HPGD: variants seen among roughly 807,000 people sequenced by gnomAD.
HPGD encodes the protein 15-hydroxyprostaglandin dehydrogenase.
In HPGD, 29 loss-of-function variants were observed where a neutral mutation model predicts 30.0. The observed-to-expected ratio is 0.97, with a 90% CI of 0.72 to 1.32. The LOEUF is 1.32. Among genes scored for constraint, HPGD ranks in the 40% most tolerant of loss-of-function variants. The pLI is 0.00. For synonymous variants in HPGD, 99 were observed against 112.4 expected (o/e 0.88, Z 0.75); for missense variants, 340 against 322.1 (o/e 1.06, Z -0.43).
intron 3 of HPGD, among the ~76,000 whole-genome samples, chr4:174,509,998 C>T (rs1189303340): frequency 1.3e-5 from 2 of 151,574 alleles, no homozygotes; most frequent in Admixed American, 6.6e-5. Context: ...ATTCCTATCC[C>T]TTCCAGCTCA....
Position 174,495,549 on chromosome 4 carries a change from G to A in HPGD, c.497C>T (p.Ala166Val), listed in dbSNP as rs779915935. ...ATATGACGGTTGTTGTAGCCTCACC[G>A]CTGCTGAGCGTGTGAATCCAACTAT... ...HGIVGFTRSAALAANLMNSGV... is the reference protein window; with the variant it reads ...HGIVGFTRSAVLAANLMNSGV... Residue 166 changes from alanine (A) to valine (V), a missense_variant and splice_region_variant, in exon 5 of 7, where the codon GCG becomes GTG. By Grantham distance (64) the Ala-to-Val change is moderately conservative. Coordinates refer to ENST00000296522, the MANE Select transcript of HPGD (RefSeq NM_000860.6). 4.4e-5 allele frequency: 70 copies of A among 1,606,250 alleles called. No individual in the cohort carries two copies. The Admixed American group carries it at 1.0e-3, about 23-fold the overall frequency.
intron 4 of HPGD, among the ~76,000 whole-genome samples, chr4:174,502,494 C>T (rs895074500): frequency 4.0e-5 from 6 of 151,894 alleles, no homozygotes; most frequent in African/African-American, 1.2e-4. Flanking sequence ...CTGGCTAACA[C>T]GGTGAAACCC....
At chr4:174,493,001 T>C (rs1441274194) in intron 6 of HPGD, 150 bp downstream of exon 6, 1 of 652,026 alleles carries the variant, frequency 1.5e-6, no homozygotes, top group Non-Finnish European at 2.5e-6. Flanking sequence ...CCCAGAAAAA[T>C]ATATTTTCTC....
chr4:174,490,774 T>C lies in HPGD; in HGVS notation c.*1182A>G, dbSNP rs1734303501. On this transcript the variant is annotated 3_prime_UTR_variant, in exon 7 of 7. Coordinates refer to ENST00000296522, the MANE Select transcript of HPGD (RefSeq NM_000860.6). This position sits in a 1 kb window ranked among gnomAD's most constrained non-coding sequence, Gnocchi z 4.4. ...AGATTTGGCTTCAAGCTGGGAGGTC[T>C]GGAGTTAGCAGACAGGATGAGTCAC... The C allele has an allele frequency of 6.6e-6, 1 of 152,340 alleles. No individual in the cohort carries two copies. The highest frequency in any genetic ancestry group is 1.5e-5 in the Non-Finnish European group (1 of 68,010). The allele number at this position is 152,340 out of a possible 1,614,324, so 9.4% of individuals were successfully genotyped here.
intron 2 of HPGD, among the ~76,000 whole-genome samples, chr4:174,521,236 A>C (rs1027518523): frequency 1.3e-5 from 2 of 152,138 alleles, no homozygotes; most frequent in African/African-American, 4.8e-5. Context: ...AAAAAAAAAA[A>C]AAACAGCTTT....
rs1734468762 is a variant in HPGD, at chr4:174,494,046, AT to A, written c.499-733del. On this transcript the variant is annotated intron_variant, in intron 5 of 6. Transcript: ENST00000296522. This position sits in a 1 kb window ranked among gnomAD's most constrained non-coding sequence, Gnocchi z 4.9. ...TACTCTGTCGTGCCATGTTTTTCTA[AT>A]TTTGTGCTTTTTTATTGGTGATTCT... Among the ~76,000 whole-genome samples, 1 of 152,044 alleles carries A rather than the reference AT, an allele frequency of 6.6e-6. No homozygotes were observed. Among genetic ancestry groups the A allele is most frequent in the Non-Finnish European group, 1.5e-5 (1 of 68,008 alleles).
intron 4 of HPGD, among the ~76,000 whole-genome samples, chr4:174,497,568 C>CTTTTCTTTTTTTTTTTTTTTTTTT (rs1553998366): frequency 9.8e-5 from 5 of 51,114 alleles, no homozygotes; most frequent in African/African-American, 2.7e-4. Flanking sequence ...CTTTTTCTTT[C>CTTTTCTTTTTTTTTTTTTTTTTTT]TTTTTTTTTT....
chr4:174,497,568 C>CTTTTCTTTT (rs1553998366), intron 4 of HPGD, among the ~76,000 whole-genome samples: 5 of 51,116 alleles, frequency 9.8e-5, no homozygotes, highest in African/African-American at 3.3e-4. Flanking sequence ...CTTTTTCTTT[C>CTTTTCTTTT]TTTTTTTTTT....
At chr4:174,511,529 A>G (rs913661673) in intron 3 of HPGD, among the ~76,000 whole-genome samples, 4 of 152,252 alleles carry the variant, frequency 2.6e-5, no homozygotes, top group African/African-American at 9.6e-5. Context: ...TTACAAAACT[A>G]CATGACAGAA....
chr4:174,522,263 C>A (rs778620665), intron 1 of HPGD, 96 bp downstream of exon 1: 55 of 1,363,028 alleles, frequency 4.0e-5, no homozygotes, highest in East Asian at 5.1e-5. Flanking sequence ...GCACGCCGGG[C>A]GCGGCCTCCC....
In HPGD at chr4:174,505,361, G is replaced by GA. The variant is rs45559340; in HGVS notation, c.421+3334dup. Among the ~76,000 whole-genome samples, 789 of 150,934 alleles carry GA rather than the reference G, an allele frequency of 5.2e-3. 7 individuals are homozygous for GA. The highest frequency in any genetic ancestry group is 0.016 in the African/African-American group (643 of 41,172). ...GAGTAAGCAGTACAGAGAAAAACAG[G>GA]AAAAAAAAATCTGTGAGGAAGCAAG... On this transcript the variant is annotated intron_variant, in intron 4 of 6. Coordinates refer to ENST00000296522, the MANE Select transcript of HPGD (RefSeq NM_000860.6).
intron 2 of HPGD, among the ~76,000 whole-genome samples, chr4:174,520,642 G>GA (rs770634281): frequency 1.3e-4 from 20 of 152,120 alleles, no homozygotes; most frequent in Non-Finnish European, 2.4e-4. Flanking sequence ...TAAATACTGG[G>GA]AAAAAAACAA....
intron 4 of HPGD, among the ~76,000 whole-genome samples, chr4:174,500,674 T>C (rs1392248111): frequency 6.6e-6 from 1 of 152,190 alleles, no homozygotes; most frequent in Non-Finnish European, 1.5e-5. Flanking sequence ...TCCAACTATA[T>C]GACATCTGGA....
chr4:174,522,626 GC>G (rs1015696868), upstream of HPGD: 4 of 500,070 alleles, frequency 8.0e-6, no homozygotes, highest in African/African-American at 2.1e-5. Context: ...TGTGTCACCT[GC>G]CCCCTGAGCG....
intron 3 of HPGD, among the ~76,000 whole-genome samples, chr4:174,509,916 A>C (rs1435929973): frequency 1.3e-5 from 2 of 150,040 alleles, no homozygotes; most frequent in Admixed American, 6.6e-5. Context: ...CTACCAAAAA[A>C]AAAAAAGAAA....
In HPGD at chr4:174,490,565, AGATGTTCATT is replaced by A. The variant is rs1347009958; in HGVS notation, c.*1381_*1390del. On this transcript the variant is annotated 3_prime_UTR_variant, in exon 7 of 7. Coordinates refer to ENST00000296522, the MANE Select transcript of HPGD (RefSeq NM_000860.6). This position sits in a 1 kb window ranked among gnomAD's most constrained non-coding sequence, Gnocchi z 4.4. ...TGCCTGATTACAGTTTATCTCTATC[AGATGTTCATT>A]GATGTTCACTACTTTGTCTTTAATA... is the stretch of plus-strand genomic sequence containing the variant. The A allele has an allele frequency of 6.6e-6, 1 of 152,370 alleles. No individual in the cohort carries two copies. Among genetic ancestry groups the A allele is most frequent in the African/African-American group, 2.4e-5 (1 of 41,472 alleles). The allele number at this position is 152,370 out of a possible 1,614,324, so 9.4% of individuals were successfully genotyped here.
At chr4:174,514,814 T>TA (rs1735688379) in intron 3 of HPGD, among the ~76,000 whole-genome samples, 1 of 152,094 alleles carries the variant, frequency 6.6e-6, no homozygotes, top group African/African-American at 2.4e-5. Context: ...CAATTTAAGT[T>TA]ACGTTTCAGG....
At chr4:174,509,916 A>G (rs1435929973) in intron 3 of HPGD, among the ~76,000 whole-genome samples, 1 of 150,156 alleles carries the variant, frequency 6.7e-6, no homozygotes, top group Non-Finnish European at 1.5e-5. Context: ...CTACCAAAAA[A>G]AAAAAAGAAA....
intron 1 of HPGD, 21 bp downstream of exon 1, chr4:174,522,338 G>C: frequency 6.5e-7 from 1 of 1,549,618 alleles, no homozygotes; most frequent in Non-Finnish European, 8.7e-7. Flanking sequence ...AGAAATTTCC[G>C]CGGCTGGGCG....
Sources: allele counts gnomAD v4.1 joint callset (sites outside exome capture counted in the v4.1 genomes callset), GRCh38; gene constraint gnomAD v4.1.1; non-coding constraint Gnocchi (gnomAD v3.1); transcripts MANE v1.5; gene names NCBI Gene and HGNC (gene_info 2026-07-23, HGNC 2026-07-21).